The following PDGFRL variants were observed in gnomAD, a reference collection of about 807,000 sequenced individuals.
The protein encoded by PDGFRL is platelet derived growth factor receptor like.
A neutral mutation model predicts 37.2 loss-of-function variants in PDGFRL; 46 were observed. The observed-to-expected ratio is 1.24, with a 90% CI of 0.98 to 1.58. The LOEUF is 1.58. Among genes scored for constraint, PDGFRL ranks in the 40% most tolerant of loss-of-function variants. PDGFRL has a pLI of 0.00. For synonymous variants in PDGFRL, 251 were observed against 184.3 expected (o/e 1.36, Z -2.93); for missense variants, 692 against 467.6 (o/e 1.48, Z -4.43).
At chr8:17,577,451 C>A (rs73666188) in intron 1 of PDGFRL, 144 bp downstream of exon 1, 20,090 of 708,984 alleles carry the variant, frequency 0.028, 1,420 homozygotes, top group South Asian at 0.15. Flanking sequence ...GCCCGGTGCA[C>A]CTGCCCCCTC....
Position 17,642,912 on chromosome 8 carries a change from C to G in PDGFRL, c.*111C>G, listed in dbSNP as rs927254247. ...AGAGGCTGATGTCAAGCACCACACCCCAACCCCAGCGTCTCGTGAGTCCGA... is the reference window on the plus strand; with the variant it reads ...AGAGGCTGATGTCAAGCACCACACCGCAACCCCAGCGTCTCGTGAGTCCGA... On this transcript the variant is annotated 3_prime_UTR_variant, in exon 6 of 6. Coordinates refer to ENST00000251630, the MANE Select transcript of PDGFRL (RefSeq NM_001372073.1). 1.5e-6 allele frequency: 1 copy of G among 674,076 alleles called. No individual in the cohort carries two copies. The highest frequency in any genetic ancestry group is 1.8e-5 in the African/African-American group (1 of 55,280). The allele number at this position is 674,076 out of a possible 1,614,324, so 41.8% of individuals were successfully genotyped here. A position where few individuals can be genotyped will look rare whatever the true frequency, so the allele number is the denominator to read the frequency against.
chr8:17,631,987 C>A (rs996607347), intron 4 of PDGFRL, among the ~76,000 whole-genome samples: 6 of 152,184 alleles, frequency 3.9e-5, no homozygotes, highest in Non-Finnish European at 5.9e-5. Context: ...ACGTGTCCGC[C>A]GTCCACCTCA....
intron 1 of PDGFRL, among the ~76,000 whole-genome samples, chr8:17,588,623 G>C (rs1030975330): frequency 6.6e-6 from 1 of 152,146 alleles, no homozygotes; most frequent in Non-Finnish European, 1.5e-5. Flanking sequence ...CAGTGAGCTA[G>C]GATCATGCCA....
chr8:17,578,116 T>C (rs1803627867), intron 1 of PDGFRL, among the ~76,000 whole-genome samples: 1 of 152,132 alleles, frequency 6.6e-6, no homozygotes, highest in Non-Finnish European at 1.5e-5. Flanking sequence ...TTAAATGTTT[T>C]GTTTGCTCTA....
chr8:17,591,394 G>A (rs1184278915), intron 2 of PDGFRL, among the ~76,000 whole-genome samples: 1 of 152,160 alleles, frequency 6.6e-6, no homozygotes, highest in Non-Finnish European at 1.5e-5. Context: ...ACCTGAGCAT[G>A]GGCTCTGCGT....
intron 2 of PDGFRL, among the ~76,000 whole-genome samples, chr8:17,591,398 T>C (rs1032618214): frequency 4.6e-5 from 7 of 152,178 alleles, no homozygotes; most frequent in Non-Finnish European, 1.0e-4. Flanking sequence ...GAGCATGGGC[T>C]CTGCGTCAGG....
intron 4 of PDGFRL, among the ~76,000 whole-genome samples, chr8:17,630,166 T>G (rs947712531): frequency 7.9e-5 from 12 of 152,186 alleles, no homozygotes; most frequent in African/African-American, 2.9e-4. Flanking sequence ...TGTCCCGTCT[T>G]TCTTCTGTTT....
intron 3 of PDGFRL, among the ~76,000 whole-genome samples, chr8:17,626,177 C>A (rs955014319): frequency 6.6e-6 from 1 of 152,182 alleles, no homozygotes; most frequent in African/African-American, 2.4e-5. Context: ...TCAATATTAT[C>A]CACTCCAGAT....
chr8:17,588,157 AAT>A (rs1803856573), intron 1 of PDGFRL, among the ~76,000 whole-genome samples: 1 of 143,970 alleles, frequency 6.9e-6, no homozygotes, highest in Non-Finnish European at 1.6e-5. Context: ...AACTCTCAAC[AAT>A]GTTGGTGATA....
rs764312458 is a variant in PDGFRL, at chr8:17,642,629, C to G, written c.956C>G (p.Thr319Arg). The G allele has an allele frequency of 1.9e-6, 3 of 1,606,944 alleles. No individual in the cohort carries two copies. ...GTTAAACAGGATGAAAGGCCTGTGA[C>G]GATCCAAGACACTTGGAGGTTGATC... ...FPGQKDERPV[T>R]IQDTWRLIHR... The change falls in exon 6 of 6, where the codon ACG becomes AGG. Residue 319 changes from threonine (T) to arginine (R), a missense_variant. Coordinates refer to ENST00000251630, the MANE Select transcript of PDGFRL (RefSeq NM_001372073.1).
intron 2 of PDGFRL, among the ~76,000 whole-genome samples, chr8:17,602,140 G>A (rs1041045340): frequency 6.6e-6 from 1 of 152,152 alleles, no homozygotes; most frequent in Admixed American, 6.5e-5. Context: ...TTTTGGCTTT[G>A]GTTACTAGCA....
At chr8:17,583,746 C>T (rs1410016559) in intron 1 of PDGFRL, among the ~76,000 whole-genome samples, 1 of 152,110 alleles carries the variant, frequency 6.6e-6, no homozygotes, top group African/African-American at 2.4e-5. Context: ...TCTTGCTCCA[C>T]TAATTCATGT....
rs1563532541 is a variant in PDGFRL, at chr8:17,638,781, AT to A, written c.940-3831del. On this transcript the variant is annotated intron_variant, in intron 5 of 5. Coordinates refer to ENST00000251630, the MANE Select transcript of PDGFRL (RefSeq NM_001372073.1). Reference sequence around the variant, plus strand: ...TATATATATATATATATATATATATATATATAATTGTGATATTTTCCTGTTG... The same window carrying A: ...TATATATATATATATATATATATATAATATAATTGTGATATTTTCCTGTTG... Among the ~76,000 whole-genome samples the A allele has an allele frequency of 8.9e-4, 90 of 100,764 alleles. 1 individual carries two copies. Among genetic ancestry groups the A allele is most frequent in the South Asian group, 3.5e-3 (12 of 3,420 alleles). The allele number at this position is 100,764 out of a possible 152,430, so 66.1% of individuals were successfully genotyped here. A position where few individuals can be genotyped will look rare whatever the true frequency, so the allele number is the denominator to read the frequency against.
At chr8:17,595,092 T>C (rs1804023718) in intron 2 of PDGFRL, among the ~76,000 whole-genome samples, 1 of 152,176 alleles carries the variant, frequency 6.6e-6, no homozygotes, top group Admixed American at 6.5e-5. Flanking sequence ...CAGTGAGATT[T>C]GCCAGCACTC....
rs67098871 is a variant in PDGFRL, at chr8:17,641,896, T to TCCCCGCCCACC, written c.940-710_940-709insCACCCCCCGCC. On this transcript the variant is annotated intron_variant, in intron 5 of 5. Coordinates refer to ENST00000251630, the MANE Select transcript of PDGFRL (RefSeq NM_001372073.1). ...GGACATTGATGATTTTCAATAGAGG[T>TCCCCGCCCACC]CCCCGCCACATTGCTATTTGGTATT... Among the ~76,000 whole-genome samples the TCCCCGCCCACC allele has an allele frequency of 2.9e-5, 3 of 103,888 alleles. 1 individual carries two copies. The South Asian group carries it at 1.1e-3, about 37-fold the overall frequency. 68.2% of individuals were successfully genotyped at this position (103,888 alleles called of 152,430 possible).
At chr8:17,581,110 A>T (rs1310221132) in intron 1 of PDGFRL, among the ~76,000 whole-genome samples, 1 of 152,226 alleles carries the variant, frequency 6.6e-6, no homozygotes, top group African/African-American at 2.4e-5. Context: ...ACTTCAGCAT[A>T]TCTTTTTAGG....
chr8:17,629,080 G>C, intron 4 of PDGFRL, among the ~76,000 whole-genome samples: 1 of 141,466 alleles, frequency 7.1e-6, no homozygotes, highest in African/African-American at 2.6e-5. Flanking sequence ...ACCATGCCCT[G>C]CTAACTTTTT....
intron 2 of PDGFRL, among the ~76,000 whole-genome samples, chr8:17,607,963 G>A (rs1474080270): frequency 6.6e-6 from 1 of 152,202 alleles, no homozygotes; most frequent in Admixed American, 6.5e-5. Context: ...CTGCCTTGGC[G>A]GCTCCGTCCC....
chr8:17,600,408 T>C (rs1042440605), intron 2 of PDGFRL, among the ~76,000 whole-genome samples: 12 of 152,192 alleles, frequency 7.9e-5, no homozygotes, highest in African/African-American at 1.7e-4. Flanking sequence ...CACTCCTCTC[T>C]ACTTGCTGGC....
Sources: allele counts gnomAD v4.1 joint callset (sites outside exome capture counted in the v4.1 genomes callset), GRCh38; gene constraint gnomAD v4.1.1; transcripts MANE v1.5; gene names NCBI Gene and HGNC (gene_info 2026-07-23, HGNC 2026-07-21).